Variants in ARHGAP21 observed in about 807,000 individuals in gnomAD.
The protein encoded by ARHGAP21 is rho GTPase-activating protein 21.
Under a neutral mutation model 164.6 loss-of-function variants are expected in ARHGAP21, and 38 were observed. The observed-to-expected ratio is 0.23, with a 90% CI of 0.18 to 0.30. The LOEUF (loss-of-function observed/expected upper bound fraction) is 0.30, where lower values mean the gene tolerates loss of function less well. Among genes scored for constraint, ARHGAP21 ranks in the 10% least tolerant of loss-of-function variants. The pLI, the probability that ARHGAP21 is intolerant of heterozygous loss-of-function variation, is 1.00. For synonymous variants in ARHGAP21, 766 were observed against 857.9 expected, an observed-to-expected ratio of 0.89 and a Z score of 1.87; for missense variants, 1,822 against 2,370.7, an observed-to-expected ratio of 0.77 and a Z score of 4.81.
chr10:24,674,399 T>TATGG (rs1257643359), intron 2 of ARHGAP21, among the ~76,000 whole-genome samples: 1 of 152,174 alleles, frequency 6.6e-6, no homozygotes, highest in Non-Finnish European at 1.5e-5. Context: ...CCAGGTGTGG[T>TATGG]GGCATGCGCC....
rs1483151901 is a variant in ARHGAP21 at position 24,585,717 on chromosome 10, C to G, written c.4572G>C (p.Leu1524=). ...SPTLSCRFAI[L]KESPRSLLAQ... Reference sequence around the variant, plus strand: ...CCAGAAGTGACCTGGGGCTCTCTTTCAGGATGGCAAAGCGACAGCTGAGAG... The same window carrying G: ...CCAGAAGTGACCTGGGGCTCTCTTTGAGGATGGCAAAGCGACAGCTGAGAG... The change falls in exon 26 of 26, where the codon CTG becomes CTC. Residue 1524 remains leucine (L), a synonymous_variant. Transcript: ENST00000396432. 5 of 1,613,984 alleles carry G rather than the reference C, an allele frequency of 3.1e-6. No homozygotes were observed. The highest frequency in any genetic ancestry group is 2.7e-5 in the African/African-American group (2 of 74,918).
intron 2 of ARHGAP21, among the ~76,000 whole-genome samples, chr10:24,699,708 T>C (rs1408174627): frequency 3.3e-5 from 5 of 152,206 alleles, no homozygotes. Context: ...ACCCAGACTT[T>C]GGAGTCTCAC....
At chr10:24,671,404 C>T (rs1840693958) in intron 2 of ARHGAP21, among the ~76,000 whole-genome samples, 1 of 152,194 alleles carries the variant, frequency 6.6e-6, no homozygotes. Flanking sequence ...TCCCCACCCT[C>T]ACCTGCAGCA....
At chr10:24,607,937 G>T in intron 9 of ARHGAP21, 34 bp from the exon 10 acceptor site, 1 of 1,550,084 alleles carries the variant, frequency 6.5e-7, no homozygotes, top group Non-Finnish European at 8.7e-7. Flanking sequence ...AATGTTCAAT[G>T]ACCTAATTGT....
chr10:24,648,647 G>A (rs961874296), intron 4 of ARHGAP21, among the ~76,000 whole-genome samples: 1 of 152,120 alleles, frequency 6.6e-6, no homozygotes, highest in Non-Finnish European at 1.5e-5. Context: ...AGGCGTGGTG[G>A]TAGGTGCCTA....
chr10:24,639,686 T>C (rs1392308855), intron 4 of ARHGAP21, among the ~76,000 whole-genome samples: 1 of 152,050 alleles, frequency 6.6e-6, no homozygotes, highest in Non-Finnish European at 1.5e-5. Flanking sequence ...AAAGAGATTA[T>C]ACTAAAAAAA....
chr10:24,613,221 G>T (rs1424105221), intron 9 of ARHGAP21, among the ~76,000 whole-genome samples: 1 of 152,160 alleles, frequency 6.6e-6, no homozygotes, highest in African/African-American at 2.4e-5. Context: ...CCTGGAGAAA[G>T]AATGTTTAAA....
At chr10:24,613,971 T>C (rs1185797254) in intron 9 of ARHGAP21, among the ~76,000 whole-genome samples, 1 of 152,162 alleles carries the variant, frequency 6.6e-6, no homozygotes, top group Non-Finnish European at 1.5e-5. Context: ...TGTGTGTCCA[T>C]GGGCCAGTGT....
rs1450589861 is a variant in ARHGAP21 at position 24,585,495 on chromosome 10, G to A, written c.4794C>T (p.Ser1598=). 3.1e-6 allele frequency: 5 copies of A among 1,614,034 alleles called. No homozygotes were observed. Among genetic ancestry groups the A allele is most frequent in the East Asian group, 2.2e-5 (1 of 44,894 alleles). ...STTSSATYLT[S]LDSSRLSPEV... is the part of the protein sequence containing the mutation. Reference sequence around the variant, plus strand: ...CAGGGCTCAGTCGACTGGAGTCCAGGCTAGTCAAGTATGTAGCAGACGATG... The same window carrying A: ...CAGGGCTCAGTCGACTGGAGTCCAGACTAGTCAAGTATGTAGCAGACGATG... Residue 1598 remains serine, a synonymous_variant, in exon 26 of 26, where the codon AGC becomes AGT. Coordinates refer to ENST00000396432, the MANE Select transcript of ARHGAP21 (RefSeq NM_020824.4).
At chr10:24,662,205 C>T (rs1839765340) in intron 4 of ARHGAP21, among the ~76,000 whole-genome samples, 1 of 152,176 alleles carries the variant, frequency 6.6e-6, no homozygotes. Context: ...TAAACATACC[C>T]TATATTTATC....
chr10:24,669,974 T>TA (rs771625659), intron 3 of ARHGAP21, among the ~76,000 whole-genome samples: 2 of 152,208 alleles, frequency 1.3e-5, no homozygotes, highest in Non-Finnish European at 2.9e-5. Flanking sequence ...TAGAAGTCCT[T>TA]AAAAAATGCA....
Position 24,619,429 on chromosome 10 carries a change from C to CT in ARHGAP21, c.2422+43dup, listed in dbSNP as rs773313110. On this transcript the variant is annotated intron_variant, in intron 9 of 25. Coordinates refer to ENST00000396432, the MANE Select transcript of ARHGAP21 (RefSeq NM_020824.4). ...AAATAATACTTTTCTGGAAAGATTT[C>CT]TTATACATTTGGCATATTAGCCAAT... is the stretch of plus-strand genomic sequence containing the variant. The CT allele has an allele frequency of 1.0e-4, 158 of 1,535,222 alleles. 1 individual carries two copies. The South Asian group carries it at 1.8e-3, about 18-fold the overall frequency.
chr10:24,597,881 A>C, intron 15 of ARHGAP21, 64 bp downstream of exon 15: 1 of 1,509,508 alleles, frequency 6.6e-7, no homozygotes, highest in South Asian at 1.2e-5. Flanking sequence ...TATCCTTGCA[A>C]ATAAGGGGGA....
chr10:24,681,420 T>G (rs1031699835), intron 2 of ARHGAP21, among the ~76,000 whole-genome samples: 2 of 152,186 alleles, frequency 1.3e-5, no homozygotes, highest in African/African-American at 4.8e-5. Flanking sequence ...GCAAGGGAAT[T>G]ATAAAAGAGT....
At chr10:24,690,877 CACAT>C (rs955287647) in intron 2 of ARHGAP21, among the ~76,000 whole-genome samples, 17 of 151,024 alleles carry the variant, frequency 1.1e-4, no homozygotes, top group African/African-American at 2.9e-4. Context: ...TACACACACA[CACAT>C]AAACACACAC....
At position 24,661,146 on chromosome 10, in the gene ARHGAP21, T is replaced by C. The variant is rs1839654973; in HGVS notation, c.268+5839A>G. 2.7e-5 allele frequency among the ~76,000 whole-genome samples: 4 copies of C among 149,552 alleles called. No homozygotes were observed. In the South Asian group the frequency reaches 6.3e-4, roughly 23 times the overall value. On this transcript the variant is annotated intron_variant, in intron 4 of 25. Coordinates refer to ENST00000396432, the MANE Select transcript of ARHGAP21 (RefSeq NM_020824.4). ...TAGAACATGTTATACTATATTGTTA[T>C]ATATTTATATTATAAATTATTATTT...
chr10:24,609,764 GAAT>G (rs2077174506), intron 9 of ARHGAP21, among the ~76,000 whole-genome samples: 1 of 152,028 alleles, frequency 6.6e-6, no homozygotes, highest in African/African-American at 2.4e-5. Context: ...GTAAAAACAA[GAAT>G]AATTCCAATT....
chr10:24,616,973 A>G (rs1834008614), intron 9 of ARHGAP21, among the ~76,000 whole-genome samples: 1 of 152,182 alleles, frequency 6.6e-6, no homozygotes, highest in Admixed American at 6.5e-5. Context: ...GCCTCCTGCA[A>G]CCTTAGTATA....
intron 2 of ARHGAP21, among the ~76,000 whole-genome samples, chr10:24,682,835 T>C (rs987528760): frequency 1.3e-5 from 2 of 152,054 alleles, no homozygotes; most frequent in Non-Finnish European, 2.9e-5. Flanking sequence ...AGATGATGAC[T>C]GCCTGTAATC....
Sources: allele counts gnomAD v4.1 joint callset (sites outside exome capture counted in the v4.1 genomes callset), GRCh38; gene constraint gnomAD v4.1.1; transcripts MANE v1.5; gene names NCBI Gene and HGNC (gene_info 2026-07-23, HGNC 2026-07-21).